Variants in CDK19 observed in about 807,000 individuals in gnomAD.
The protein encoded by CDK19 is cyclin dependent kinase 19, also known as cyclin-dependent kinase 19.
In CDK19, 20 loss-of-function variants were observed where a neutral mutation model predicts 68.3. The ratio of observed to expected loss-of-function variants is 0.29; its 90% CI spans 0.21 to 0.43. CDK19 has a LOEUF of 0.43. Among genes scored for constraint, CDK19 ranks in the 20% least tolerant of loss-of-function variants. The probability of loss-of-function intolerance (pLI) is 1.00; values close to 1 mark genes in which losing one functional copy is unlikely to be tolerated. For missense variants in CDK19, 339 were observed against 623.5 expected (o/e 0.54, Z 4.86); for synonymous variants, 221 against 222.8 (o/e 0.99, Z 0.07).
At chr6:110,685,115 G>T (rs750507850) in intron 2 of CDK19, among the ~76,000 whole-genome samples, 1 of 152,046 alleles carries the variant, frequency 6.6e-6, no homozygotes, top group Non-Finnish European at 1.5e-5. Context: ...TCCAGCCTGG[G>T]CGACACAGCG....
intron 1 of CDK19, among the ~76,000 whole-genome samples, chr6:110,807,367 A>G (rs1168980200): frequency 1.3e-5 from 2 of 152,200 alleles, no homozygotes; most frequent in African/African-American, 2.4e-5. Flanking sequence ...CCCCAAAAGA[A>G]AATCCTCTTA....
chr6:110,632,075 C>T lies in CDK19; in HGVS notation c.601G>A (p.Ala201Thr). ...CTTGCACCAAGCAAAAGTTCTGGAG[C>T]CCGATACCAAAATGTCACAACTACT... ...DPVVVTFWYR[A>T]PELLLGARHY... The change falls in exon 6 of 13, where the codon GCT (alanine) becomes ACT (threonine). Residue 201 changes from alanine (A) to threonine (T), a missense_variant. Ala to Thr is a moderately conservative substitution (Grantham distance 58). Transcript: ENST00000368911. 1 of 1,613,690 alleles carries T rather than the reference C, an allele frequency of 6.2e-7. No homozygotes were observed. Among genetic ancestry groups the T allele is most frequent in the Non-Finnish European group, 8.5e-7 (1 of 1,179,704 alleles).
intron 4 of CDK19, among the ~76,000 whole-genome samples, chr6:110,645,286 T>C (rs966172749): frequency 6.6e-6 from 1 of 152,142 alleles, no homozygotes; most frequent in Non-Finnish European, 1.5e-5. Context: ...ACTCTACATA[T>C]TTGAAAATTT....
At chr6:110,693,154 C>T (rs1773164253) in intron 2 of CDK19, among the ~76,000 whole-genome samples, 1 of 152,176 alleles carries the variant, frequency 6.6e-6, no homozygotes. Flanking sequence ...CGTGTGGAGA[C>T]TCACACCGTG....
chr6:110,808,044 C>T (rs1272713952), intron 1 of CDK19, among the ~76,000 whole-genome samples: 1 of 152,096 alleles, frequency 6.6e-6, no homozygotes, highest in Non-Finnish European at 1.5e-5. Context: ...AATATTTCTC[C>T]TGTAACTTGA....
chr6:110,766,152 G>A (rs1779571853), intron 1 of CDK19, among the ~76,000 whole-genome samples: 1 of 152,206 alleles, frequency 6.6e-6, no homozygotes, highest in South Asian at 2.1e-4. Context: ...GCACTCCTAT[G>A]TTTATTGCAG....
chr6:110,617,662 TACAC>T (rs561387463), intron 12 of CDK19, among the ~76,000 whole-genome samples: 1,709 of 107,116 alleles, frequency 0.016, 22 homozygotes, highest in African/African-American at 0.038. Context: ...TATATATATA[TACAC>T]ACACACACAC....
chr6:110,698,792 T>C (rs1202434053), intron 2 of CDK19, among the ~76,000 whole-genome samples: 1 of 152,024 alleles, frequency 6.6e-6, no homozygotes, highest in Admixed American at 6.6e-5. Context: ...GAAAATGTGG[T>C]AGATAGCCAG....
At chr6:110,743,965 A>G (rs1054815444) in intron 2 of CDK19, among the ~76,000 whole-genome samples, 3 of 150,550 alleles carry the variant, frequency 2.0e-5, no homozygotes, top group African/African-American at 7.3e-5. Flanking sequence ...GTGACAAATC[A>G]CTTACCAAAT....
At chr6:110,808,194 G>A (rs1220524924) in intron 1 of CDK19, among the ~76,000 whole-genome samples, 1 of 152,180 alleles carries the variant, frequency 6.6e-6, no homozygotes. Context: ...CAATGTGATA[G>A]CTACTAATTA....
intron 1 of CDK19, among the ~76,000 whole-genome samples, chr6:110,766,945 C>A (rs200467992): frequency 6.6e-6 from 1 of 151,780 alleles, no homozygotes; most frequent in Non-Finnish European, 1.5e-5. Context: ...ATCAGCCTGG[C>A]CAACATGGTG....
intron 1 of CDK19, among the ~76,000 whole-genome samples, chr6:110,771,436 G>A (rs1302601447): frequency 3.9e-5 from 6 of 152,124 alleles, no homozygotes; most frequent in Non-Finnish European, 2.9e-5. Flanking sequence ...TGGAGTGACT[G>A]GGATGCAGGG....
chr6:110,814,753 C>T (rs1210437855), intron 1 of CDK19: 1 of 645,360 alleles, frequency 1.5e-6, no homozygotes, highest in Admixed American at 2.1e-5. Flanking sequence ...TCCGAGCACT[C>T]GGAGGGCGCC....
chr6:110,790,288 C>G (rs1781500183), intron 1 of CDK19, among the ~76,000 whole-genome samples: 1 of 152,162 alleles, frequency 6.6e-6, no homozygotes, highest in Non-Finnish European at 1.5e-5. Context: ...GTAATCCCAG[C>G]ACTTTGGGAG....
intron 6 of CDK19, among the ~76,000 whole-genome samples, chr6:110,629,093 A>G (rs1265340052): frequency 6.6e-6 from 1 of 152,116 alleles, no homozygotes; most frequent in Non-Finnish European, 1.5e-5. Flanking sequence ...TCTACTATGC[A>G]GTATACCAGG....
intron 1 of CDK19, among the ~76,000 whole-genome samples, chr6:110,787,441 TTTTG>T (rs1166817144): frequency 6.6e-6 from 1 of 151,956 alleles, no homozygotes; most frequent in African/African-American, 2.4e-5. Flanking sequence ...TTTTGTTTTG[TTTTG>T]TTTTTTTGTT....
intron 1 of CDK19, among the ~76,000 whole-genome samples, chr6:110,796,334 A>C (rs1399747319): frequency 6.6e-6 from 1 of 151,736 alleles, no homozygotes; most frequent in Non-Finnish European, 1.5e-5. Context: ...AGATTCCGTC[A>C]AACAAACAAA....
intron 4 of CDK19, among the ~76,000 whole-genome samples, chr6:110,664,612 T>C (rs939060813): frequency 6.6e-6 from 1 of 152,216 alleles, no homozygotes; most frequent in Non-Finnish European, 1.5e-5. Flanking sequence ...ACTCATTCAC[T>C]GAGGAAATAC....
At chr6:110,683,549 A>T (rs1290561517) in intron 2 of CDK19, among the ~76,000 whole-genome samples, 1 of 152,114 alleles carries the variant, frequency 6.6e-6, no homozygotes, top group Non-Finnish European at 1.5e-5. Flanking sequence ...TTTTTCAACA[A>T]TCTGGTTTCA....
Sources: gnomAD v4.1 joint callset for allele counts (sites outside exome capture counted in the v4.1 genomes callset) on GRCh38, gnomAD v4.1.1 for gene constraint, MANE v1.5 for transcripts, NCBI Gene and HGNC (gene_info 2026-07-23, HGNC 2026-07-21) for gene names.